Variants in PDZD2 observed in about 807,000 individuals in gnomAD.
PDZD2 encodes the protein PDZ domain-containing protein 2.
A neutral mutation model predicts 220.7 loss-of-function variants in PDZD2; 90 were observed. The observed-to-expected ratio is 0.41, with a 90% CI of 0.34 to 0.49. The LOEUF (loss-of-function observed/expected upper bound fraction) is 0.49, where lower values mean the gene tolerates loss of function less well. Ranked by LOEUF, PDZD2 falls within the 20% of genes least tolerant of loss-of-function variation. PDZD2 has a pLI of 0.28. For synonymous variants in PDZD2, 1,375 were observed against 1,450.5 expected (o/e 0.95, Z 1.18); for missense variants, 3,174 against 3,608.5 (o/e 0.88, Z 3.08).
At chr5:32,053,064 T>C (rs183506318) in intron 9 of PDZD2, among the ~76,000 whole-genome samples, 31 of 152,364 alleles carry the variant, frequency 2.0e-4, no homozygotes, top group Non-Finnish European at 3.7e-4. Flanking sequence ...AAGTGGCCTC[T>C]GTATGGATTC....
At chr5:31,663,677 CTT>C (rs1745867737) in intron 1 of PDZD2, among the ~76,000 whole-genome samples, 2 of 152,168 alleles carry the variant, frequency 1.3e-5, no homozygotes, top group African/African-American at 2.4e-5. Context: ...TTCTTGATGA[CTT>C]TTTCTTTCCT....
intron 2 of PDZD2, among the ~76,000 whole-genome samples, chr5:31,827,420 T>C (rs13179206): frequency 0.22 from 32,701 of 151,998 alleles, 3,971 homozygotes; most frequent in African/African-American, 0.31. Flanking sequence ...AGGCTGGGTG[T>C]GGTGGCTCAT....
chr5:31,804,044 A>G (rs76791181), intron 2 of PDZD2, among the ~76,000 whole-genome samples: 1 of 74,918 alleles, frequency 1.3e-5, no homozygotes, highest in African/African-American at 5.7e-5. Flanking sequence ...CCCTGCGTCC[A>G]AAAAAAAAAA....
intron 2 of PDZD2, among the ~76,000 whole-genome samples, chr5:31,893,395 A>G (rs1241639403): frequency 6.6e-6 from 1 of 151,962 alleles, no homozygotes; most frequent in African/African-American, 2.4e-5. Context: ...ACATGGTGAA[A>G]ACCCGTCTCT....
chr5:31,958,313 G>T lies in PDZD2; in HGVS notation c.477-24842G>T, dbSNP rs543285705. Among the ~76,000 whole-genome samples, 161 of 151,884 alleles carry T rather than the reference G, an allele frequency of 1.1e-3. 1 individual carries two copies. The highest frequency in any genetic ancestry group is 3.8e-3 in the African/African-American group (159 of 41,414). On this transcript the variant is annotated intron_variant, in intron 2 of 24. Transcript: ENST00000438447. ...CTTTTGCCCAGGCTGGAGTGCAGTG[G>T]TGCAGTCTCAGGTCACTGCAACCTC...
intron 17 of PDZD2, among the ~76,000 whole-genome samples, chr5:32,073,145 G>A (rs1740919083): frequency 6.6e-6 from 1 of 152,032 alleles, no homozygotes; most frequent in South Asian, 2.1e-4. Context: ...AACATCTGAA[G>A]AAGAAAATCC....
chr5:31,881,780 A>G (rs952802752), intron 2 of PDZD2, among the ~76,000 whole-genome samples: 2 of 151,016 alleles, frequency 1.3e-5, no homozygotes, highest in African/African-American at 4.9e-5. Context: ...CAGTGGCACG[A>G]TCTCAGCTCA....
intron 2 of PDZD2, among the ~76,000 whole-genome samples, chr5:31,944,037 T>C (rs1318445961): frequency 6.6e-6 from 1 of 152,232 alleles, no homozygotes; most frequent in African/African-American, 2.4e-5. Flanking sequence ...AGTTAGTCTG[T>C]TTAGCAACTA....
rs1744219543 is a variant in PDZD2, at chr5:32,101,101, G to A, written c.8219-4G>A. On this transcript the variant is annotated splice_region_variant and splice_polypyrimidine_tract_variant and intron_variant, in intron 23 of 24. Transcript: ENST00000438447. Reference sequence around the variant, plus strand: ...TTTCATCTTGGTGCACGCTGCGGCTGCAGGGAGAAGTGTGGCTGTACACGA... The same window carrying A: ...TTTCATCTTGGTGCACGCTGCGGCTACAGGGAGAAGTGTGGCTGTACACGA... The A allele has an allele frequency of 6.2e-7, 1 of 1,614,058 alleles. No homozygotes were observed. Among genetic ancestry groups the A allele is most frequent in the Non-Finnish European group, 8.5e-7 (1 of 1,180,012 alleles).
chr5:32,007,853 C>G (rs1004681223), intron 5 of PDZD2, among the ~76,000 whole-genome samples: 1 of 152,148 alleles, frequency 6.6e-6, no homozygotes, highest in African/African-American at 2.4e-5. Flanking sequence ...CGGCATTTCC[C>G]CGGAGGGCTC....
Position 32,090,029 on chromosome 5 carries a change from C to G in PDZD2, c.6581C>G (p.Ser2194Cys), listed in dbSNP as rs763832083. 2 of 1,610,790 alleles carry G rather than the reference C, an allele frequency of 1.2e-6. No homozygotes were observed. The highest frequency in any genetic ancestry group is 1.7e-6 in the Non-Finnish European group (2 of 1,178,592). The change falls in exon 20 of 25, where the codon TCC (serine) becomes TGC (cysteine). Residue 2194 changes from serine to cysteine, a missense_variant. Ser to Cys is a moderately radical substitution (Grantham distance 112, BLOSUM62 -1). Coordinates refer to ENST00000438447, the MANE Select transcript of PDZD2 (RefSeq NM_178140.4). The surrounding 1 kb of genome is among the most constrained non-coding windows in gnomAD (Gnocchi z 4.3). The stretch of plus-strand genomic sequence containing the variant: ...GGAAAATCAAGCCTGATGTCAGACT[C>G]CCGAGGGGTGCCCAGAAACAGCATT... Reference protein sequence around the residue: ...SQGKSSLMSDSRGVPRNSIPG... With the variant: ...SQGKSSLMSDCRGVPRNSIPG...
intron 2 of PDZD2, among the ~76,000 whole-genome samples, chr5:31,980,914 G>C (rs1316026154): frequency 6.6e-6 from 1 of 152,166 alleles, no homozygotes; most frequent in African/African-American, 2.4e-5. Context: ...TTTCTGAGTA[G>C]CTGAGACTAC....
At chr5:31,659,715 G>T (rs529744893) in intron 1 of PDZD2, among the ~76,000 whole-genome samples, 2 of 152,312 alleles carry the variant, frequency 1.3e-5, no homozygotes, top group South Asian at 2.1e-4. Context: ...CCAAAGCATT[G>T]AAGTTAAGGG....
chr5:31,819,838 G>A (rs1319355507), intron 2 of PDZD2, among the ~76,000 whole-genome samples: 3 of 152,060 alleles, frequency 2.0e-5, no homozygotes, highest in African/African-American at 7.2e-5. Context: ...TATCCCCAGT[G>A]ACAATATACA....
At chr5:32,002,616 A>AC (rs1267132223) in intron 5 of PDZD2, among the ~76,000 whole-genome samples, 2,491 of 124,844 alleles carry the variant, frequency 0.02, 62 homozygotes, top group Non-Finnish European at 0.032. Context: ...CACACACACC[A>AC]ACACACACCA....
chr5:31,788,746 T>G (rs1753533066), intron 1 of PDZD2, among the ~76,000 whole-genome samples: 2 of 152,150 alleles, frequency 1.3e-5, no homozygotes, highest in Admixed American at 6.5e-5. Flanking sequence ...TCTCAGTAGT[T>G]TGTATTTGCA....
chr5:31,660,068 T>A lies in PDZD2; in HGVS notation c.-361+20631T>A, dbSNP rs76030198. Among the ~76,000 whole-genome samples the A allele has an allele frequency of 5.9e-3, 902 of 152,346 alleles. 11 individuals are homozygous for A. The highest frequency in any genetic ancestry group is 0.02 in the African/African-American group (834 of 41,580). On this transcript the variant is annotated intron_variant, in intron 1 of 24. Transcript: ENST00000438447. ...AGTCAGACTTTTAAAGGAGACCTGGTGTCCCCACAGTCCACTGTTTTTGGT... is the reference window on the plus strand; with the variant it reads ...AGTCAGACTTTTAAAGGAGACCTGGAGTCCCCACAGTCCACTGTTTTTGGT...
intron 9 of PDZD2, 121 bp downstream of exon 9, chr5:32,052,851 C>A: frequency 9.5e-7 from 1 of 1,054,680 alleles, no homozygotes; most frequent in Non-Finnish European, 1.4e-6. Context: ...TGCTCTGTTG[C>A]CCAGGCCGGA....
intron 2 of PDZD2, among the ~76,000 whole-genome samples, chr5:31,898,661 A>T (rs1032902541): frequency 6.6e-6 from 1 of 152,126 alleles, no homozygotes; most frequent in Non-Finnish European, 1.5e-5. Flanking sequence ...TAGTGTGTGG[A>T]TGCTGAGAGC....
Sources: allele counts gnomAD v4.1 joint callset (sites outside exome capture counted in the v4.1 genomes callset), GRCh38; gene constraint gnomAD v4.1.1; non-coding constraint Gnocchi (gnomAD v3.1); transcripts MANE v1.5; gene names NCBI Gene and HGNC (gene_info 2026-07-23, HGNC 2026-07-21).